The following SNX29 variants were observed in gnomAD, a reference collection of about 807,000 sequenced individuals.
SNX29 encodes sorting nexin-29.
SNX29 carries 78 observed loss-of-function variants against 102.1 expected under a neutral mutation model. That is an observed-to-expected ratio of 0.76 (90% confidence interval 0.64 to 0.92). The LOEUF is 0.92. SNX29 is among the 40% of genes least tolerant of loss of function. The pLI, the probability that SNX29 is intolerant of heterozygous loss-of-function variation, is 0.00. For synonymous variants in SNX29, 580 were observed against 414.5 expected (o/e 1.40, Z -4.85); for missense variants, 1,280 against 1,061.7 (o/e 1.21, Z -2.86).
intron 10 of SNX29, among the ~76,000 whole-genome samples, chr16:12,072,836 C>G (rs2051365544): frequency 6.6e-6 from 1 of 152,140 alleles, no homozygotes; most frequent in Admixed American, 6.5e-5. Context: ...ATTATTGCCA[C>G]AATTTCAGAT....
At chr16:11,997,175 T>G (rs1400409166) in intron 1 of SNX29, among the ~76,000 whole-genome samples, 1 of 152,204 alleles carries the variant, frequency 6.6e-6, no homozygotes, top group Non-Finnish European at 1.5e-5. Flanking sequence ...TCCACTTTTT[T>G]GCTTTTTGCT....
rs1373807925 is a variant in SNX29 at position 12,570,697 on chromosome 16, C to T, written c.*2068C>T. 4.3e-6 allele frequency: 1 copy of T among 232,188 alleles called. No individual in the cohort carries two copies. The highest frequency in any genetic ancestry group is 8.5e-6 in the Non-Finnish European group (1 of 117,428). The allele number at this position is 232,188 out of a possible 1,614,324, so 14.4% of individuals were successfully genotyped here. A position where few individuals can be genotyped will look rare whatever the true frequency, so the allele number is the denominator to read the frequency against. On this transcript the variant is annotated 3_prime_UTR_variant, in exon 21 of 21. Coordinates refer to ENST00000566228, the MANE Select transcript of SNX29 (RefSeq NM_032167.5). ...GACCTGCACCTTTTCTGACACCTGC[C>T]CCCAAAGCACAGGATGTGAATTGGT...
chr16:12,261,143 C>A lies in SNX29; in HGVS notation c.1679-16790C>A, dbSNP rs2078740685. ...CCGGCTGGAGTGAGTGGTTCCTGAG[C>A]TCCAGTCTGTGCACGTGTCCCCGGC... On this transcript the variant is annotated intron_variant, in intron 14 of 20. Coordinates refer to ENST00000566228, the MANE Select transcript of SNX29 (RefSeq NM_032167.5). Among the ~76,000 whole-genome samples the A allele has an allele frequency of 2.0e-5, 3 of 147,852 alleles. No homozygotes were observed. The South Asian group carries it at 6.6e-4, about 32-fold the overall frequency.
intron 20 of SNX29, among the ~76,000 whole-genome samples, chr16:12,537,871 G>C (rs1346174106): frequency 6.6e-6 from 1 of 151,958 alleles, no homozygotes; most frequent in Non-Finnish European, 1.5e-5. Context: ...TATAGTCCCA[G>C]CTTTTTGGGA....
chr16:12,568,455 C>A, intron 20 of SNX29, 51 bp from the exon 21 acceptor site: 1 of 1,601,146 alleles, frequency 6.2e-7, no homozygotes, highest in South Asian at 1.1e-5. Context: ...GGCCTGTGGT[C>A]ATTTGCTTTT....
intron 1 of SNX29, among the ~76,000 whole-genome samples, chr16:11,993,368 C>T (rs1280959570): frequency 6.6e-6 from 1 of 151,966 alleles, no homozygotes; most frequent in Non-Finnish European, 1.5e-5. Context: ...CTTTCATCTC[C>T]CAGGGCAGCA....
chr16:12,184,994 T>C (rs1366108957), intron 13 of SNX29, among the ~76,000 whole-genome samples: 2 of 152,214 alleles, frequency 1.3e-5, no homozygotes, highest in Non-Finnish European at 2.9e-5. Context: ...CCAACAGCAG[T>C]TCTGCTGTGG....
At chr16:12,050,448 G>T (rs992892839) in intron 7 of SNX29, among the ~76,000 whole-genome samples, 4 of 152,152 alleles carry the variant, frequency 2.6e-5, no homozygotes, top group Non-Finnish European at 5.9e-5. Flanking sequence ...TTACTTTTTT[G>T]TGTGGGTTGG....
At chr16:12,327,222 C>A (rs1178103170) in intron 15 of SNX29, among the ~76,000 whole-genome samples, 3 of 152,134 alleles carry the variant, frequency 2.0e-5, no homozygotes, top group African/African-American at 4.8e-5. Context: ...TCGCAGCCCC[C>A]ATAAAGCTTC....
chr16:12,567,476 G>C (rs995113483), intron 20 of SNX29, among the ~76,000 whole-genome samples: 2 of 152,150 alleles, frequency 1.3e-5, no homozygotes, highest in South Asian at 4.1e-4. Context: ...TCTAGCAAAA[G>C]GGACTTTACA....
intron 1 of SNX29, among the ~76,000 whole-genome samples, chr16:11,980,293 C>G (rs906059590): frequency 1.3e-5 from 2 of 152,072 alleles, no homozygotes; most frequent in Non-Finnish European, 2.9e-5. Flanking sequence ...GCTTTTTTCA[C>G]TCGGTATAAT....
At chr16:12,560,609 A>G (rs1182059157) in intron 20 of SNX29, 2 of 152,886 alleles carry the variant, frequency 1.3e-5, no homozygotes, top group Admixed American at 1.3e-4. Context: ...AGCAGCAAGC[A>G]ACAGCTGCCT....
intron 19 of SNX29, among the ~76,000 whole-genome samples, chr16:12,499,874 G>C (rs1941302612): frequency 6.6e-6 from 1 of 152,046 alleles, no homozygotes. Context: ...ACAGGGCTTT[G>C]CTATGTTGCC....
At chr16:12,420,800 T>TA (rs1223000944) in intron 18 of SNX29, among the ~76,000 whole-genome samples, 5 of 152,176 alleles carry the variant, frequency 3.3e-5, no homozygotes, top group Admixed American at 2.6e-4. Context: ...ACCAAGCTCA[T>TA]GCTTCAGGGT....
At chr16:12,148,893 G>C (rs976831116) in intron 13 of SNX29, among the ~76,000 whole-genome samples, 2 of 151,878 alleles carry the variant, frequency 1.3e-5, no homozygotes, top group African/African-American at 4.8e-5. Context: ...GTAGAGACAG[G>C]GTTTCTCCAT....
At chr16:12,216,469 C>T (rs570867914) in intron 14 of SNX29, among the ~76,000 whole-genome samples, 71 of 152,318 alleles carry the variant, frequency 4.7e-4, no homozygotes, top group African/African-American at 1.6e-3. Flanking sequence ...CACCTGCCAG[C>T]AGCCAGCCAC....
chr16:12,278,131 CAA>C lies in SNX29; in HGVS notation c.1782+98_1782+99del, dbSNP rs963544814. The C allele has an allele frequency of 1.8e-5, 19 of 1,045,656 alleles. No individual in the cohort carries two copies. The African/African-American group carries it at 2.6e-4, about 14-fold the overall frequency. 64.8% of individuals were successfully genotyped at this position (1,045,656 alleles called of 1,614,324 possible). A position where few individuals can be genotyped will look rare whatever the true frequency, so the allele number is the denominator to read the frequency against. On this transcript the variant is annotated intron_variant, in intron 15 of 20. Transcript: ENST00000566228. Reference sequence around the variant, plus strand: ...CCAGCCTATTCTAAAGACACGTGAGCAAAACGACCAAGCAACTCCTCAGCCCC... The same window carrying C: ...CCAGCCTATTCTAAAGACACGTGAGCAACGACCAAGCAACTCCTCAGCCCC...
chr16:12,135,531 C>G (rs1461022107), intron 13 of SNX29: 1 of 1,320,894 alleles, frequency 7.6e-7, no homozygotes, highest in Non-Finnish European at 9.9e-7. Flanking sequence ...AGCCAGTTCT[C>G]TTTGCTATTT....
chr16:12,059,939 C>G (rs1200212616), intron 8 of SNX29, among the ~76,000 whole-genome samples: 1 of 152,180 alleles, frequency 6.6e-6, no homozygotes, highest in South Asian at 2.1e-4. Context: ...CACACTTTTT[C>G]TTCTTTTGCC....
Sources: allele counts gnomAD v4.1 joint callset (sites outside exome capture counted in the v4.1 genomes callset), GRCh38; gene constraint gnomAD v4.1.1; transcripts MANE v1.5; gene names NCBI Gene and HGNC (gene_info 2026-07-23, HGNC 2026-07-21).